The following P3H2 variants were observed in gnomAD, a reference collection of about 807,000 sequenced individuals.
P3H2 encodes the protein prolyl 3-hydroxylase 2.
Under a neutral mutation model 87.0 loss-of-function variants are expected in P3H2, and 80 were observed. That is an observed-to-expected ratio of 0.92 (90% CI 0.77 to 1.11). The LOEUF (loss-of-function observed/expected upper bound fraction) is 1.11. Ranked by LOEUF, P3H2 falls within the 50% of genes least tolerant of loss-of-function variation. The probability of loss-of-function intolerance (pLI) is 0.00; values close to 1 mark genes in which losing one functional copy is unlikely to be tolerated. For missense variants in P3H2, 1,001 were observed against 923.9 expected, an observed-to-expected ratio of 1.08 and a Z score of -1.08; for synonymous variants, 367 against 359.3, an observed-to-expected ratio of 1.02 and a Z score of -0.24.
chr3:190,115,895 G>A (rs570879817), intron 1 of P3H2, among the ~76,000 whole-genome samples: 2 of 152,288 alleles, frequency 1.3e-5, no homozygotes, highest in South Asian at 2.1e-4. Flanking sequence ...GACCTACTGA[G>A]CCTGTATCTG....
intron 13 of P3H2, chr3:189,969,656 G>A: frequency 8.2e-7 from 1 of 1,212,974 alleles, no homozygotes; most frequent in Non-Finnish European, 1.2e-6. Flanking sequence ...GACCTTGGAA[G>A]CCAGGATGGT....
At chr3:189,989,322 C>G (rs1719607) in intron 3 of P3H2, among the ~76,000 whole-genome samples, 1 of 151,968 alleles carries the variant, frequency 6.6e-6, no homozygotes, top group Non-Finnish European at 1.5e-5. Flanking sequence ...CTTTTTATAC[C>G]CCACAGTCCA....
In P3H2 at chr3:189,988,912, T is replaced by G. The variant is rs777638857; in HGVS notation, c.950A>C (p.Tyr317Ser). 1.2e-6 allele frequency: 2 copies of G among 1,614,086 alleles called. No homozygotes were observed. The highest frequency in any genetic ancestry group is 1.7e-6 in the Non-Finnish European group (2 of 1,180,006). ...ACGGATGATCCACGCTTTACCTCGATAGTAGGCAAACTGTAGGTAATCATA... is the reference window on the plus strand; with the variant it reads ...ACGGATGATCCACGCTTTACCTCGAGAGTAGGCAAACTGTAGGTAATCATA... ...LHYDYLQFAY[Y>S]RVGEYVKALE... Residue 317 changes from tyrosine to serine, a missense_variant, in exon 4 of 15, where the codon TAT becomes TCT. By Grantham distance (144) the Tyr-to-Ser change is moderately radical. Transcript: ENST00000319332.
In P3H2 at chr3:189,973,890, A is replaced by G. The variant is rs6770264; in HGVS notation, c.1548+19T>C. On this transcript the variant is annotated intron_variant, in intron 10 of 14. Coordinates refer to ENST00000319332, the MANE Select transcript of P3H2 (RefSeq NM_018192.4). ...GCTGACACTAAGGAACTCAAACCCA[A>G]AAGAAGTTAAGACTTTACTTTGAGT... The G allele has an allele frequency of 2.6e-3, 4,151 of 1,591,104 alleles. 103 individuals carry two copies. In the African/African-American group the frequency reaches 0.048, roughly 19 times the overall value.
At chr3:190,067,007 C>CTTTTTTTTTTTTT (rs759812431) in intron 1 of P3H2, among the ~76,000 whole-genome samples, 1 of 145,136 alleles carries the variant, frequency 6.9e-6, no homozygotes, top group African/African-American at 2.7e-5. Flanking sequence ...TTTTAATTTT[C>CTTTTTTTTTTTTT]TTTCTTTTTT....
intron 1 of P3H2, among the ~76,000 whole-genome samples, chr3:190,002,250 A>C (rs910737203): frequency 5.3e-5 from 8 of 152,176 alleles, no homozygotes; most frequent in Non-Finnish European, 1.2e-4. Flanking sequence ...ATCTCCTGAC[A>C]AATTTATAAA....
chr3:189,977,743 G>A (rs530110763), intron 8 of P3H2, among the ~76,000 whole-genome samples: 2 of 150,264 alleles, frequency 1.3e-5, no homozygotes, highest in South Asian at 2.1e-4. Flanking sequence ...TGGGACTATA[G>A]GCACGCACCA....
At chr3:190,008,109 T>C (rs530419907) in intron 1 of P3H2, among the ~76,000 whole-genome samples, 1 of 151,892 alleles carries the variant, frequency 6.6e-6, no homozygotes, top group African/African-American at 2.4e-5. Context: ...TTCCCTAATA[T>C]ACTTACATGA....
chr3:190,010,063 C>T (rs1724538044), intron 1 of P3H2, among the ~76,000 whole-genome samples: 1 of 152,134 alleles, frequency 6.6e-6, no homozygotes, highest in African/African-American at 2.4e-5. Context: ...ACAGCAAATG[C>T]CTGGATGCAA....
intron 1 of P3H2, among the ~76,000 whole-genome samples, chr3:190,090,938 T>C (rs1279753935): frequency 6.6e-6 from 1 of 152,146 alleles, no homozygotes; most frequent in Non-Finnish European, 1.5e-5. Context: ...CCCTCATCAA[T>C]ACTATCATAG....
rs933479501 is a variant in P3H2 at position 189,956,869 on chromosome 3, C to T, written c.*1043G>A. 3 of 376,346 alleles carry T rather than the reference C, an allele frequency of 8.0e-6. No individual in the cohort carries two copies. Among genetic ancestry groups the T allele is most frequent in the Non-Finnish European group, 1.4e-5 (3 of 212,992 alleles). The allele number at this position is 376,346 out of a possible 1,614,324, so 23.3% of individuals were successfully genotyped here. On this transcript the variant is annotated 3_prime_UTR_variant, in exon 15 of 15. Transcript: ENST00000319332. ...GAAATTTATTTTTCTTATGTAAGTA[C>T]AAAACACCTCTTTTCATCAGTGGAC... is the stretch of plus-strand genomic sequence containing the variant.
At chr3:189,961,594 T>TA (rs1437526421) in intron 14 of P3H2, among the ~76,000 whole-genome samples, 3 of 152,120 alleles carry the variant, frequency 2.0e-5, no homozygotes, top group Admixed American at 6.5e-5. Context: ...GGGGAGCTCT[T>TA]AAAACTCCTG....
intron 3 of P3H2, among the ~76,000 whole-genome samples, chr3:189,991,157 A>T (rs941278008): frequency 1.3e-5 from 2 of 152,236 alleles, no homozygotes; most frequent in Non-Finnish European, 2.9e-5. Flanking sequence ...CCACACATAA[A>T]ACTGACATTC....
intron 3 of P3H2, among the ~76,000 whole-genome samples, chr3:189,989,487 C>T (rs1374520923): frequency 6.6e-6 from 1 of 152,136 alleles, no homozygotes; most frequent in African/African-American, 2.4e-5. Context: ...AAAAAGAAAC[C>T]ACCATGGGCA....
At chr3:190,077,054 A>G (rs1222235700) in intron 1 of P3H2, among the ~76,000 whole-genome samples, 1 of 152,184 alleles carries the variant, frequency 6.6e-6, no homozygotes, top group East Asian at 1.9e-4. Context: ...AAGAAAAAAA[A>G]TTTAAGGGAA....
intron 1 of P3H2, among the ~76,000 whole-genome samples, chr3:190,097,151 A>G (rs1577322247): frequency 6.6e-6 from 1 of 152,210 alleles, no homozygotes; most frequent in Non-Finnish European, 1.5e-5. Flanking sequence ...TCAGAGCATA[A>G]TGCAAACATG....
intron 1 of P3H2, among the ~76,000 whole-genome samples, chr3:190,038,486 G>GAAAA (rs57971408): frequency 1.6e-4 from 15 of 92,580 alleles, no homozygotes; most frequent in Non-Finnish European, 2.6e-4. Flanking sequence ...ACTGCAGAAT[G>GAAAA]AAAAAAAAAA....
intron 13 of P3H2, chr3:189,969,297 C>T: frequency 4.4e-6 from 4 of 911,610 alleles, no homozygotes; most frequent in South Asian, 2.6e-5. Flanking sequence ...TAACATCCAC[C>T]CCCCAGGTGC....
chr3:190,120,998 T>G, upstream of P3H2: 1 of 477,698 alleles, frequency 2.1e-6, no homozygotes. Flanking sequence ...GGCTCCCCGC[T>G]GCAGCGGCGG....
Sources: allele counts gnomAD v4.1 joint callset (sites outside exome capture counted in the v4.1 genomes callset), GRCh38; gene constraint gnomAD v4.1.1; transcripts MANE v1.5; gene names NCBI Gene and HGNC (gene_info 2026-07-23, HGNC 2026-07-21).